Variants in SPCS2 observed in about 807,000 individuals in gnomAD.
The protein encoded by SPCS2 is SPase 25 kDa subunit.
In SPCS2, 3 loss-of-function variants were observed where a neutral mutation model predicts 22.3. The ratio of observed to expected loss-of-function variants is 0.13; its 90% CI spans 0.06 to 0.35. The LOEUF (loss-of-function observed/expected upper bound fraction) is 0.35, where lower values mean the gene tolerates loss of function less well. Among genes scored for constraint, SPCS2 ranks in the 10% least tolerant of loss-of-function variants. SPCS2 has a pLI of 1.00. For synonymous variants in SPCS2, 67 were observed against 97.2 expected, an observed-to-expected ratio of 0.69 and a Z score of 1.83; for missense variants, 169 against 280.9, an observed-to-expected ratio of 0.60 and a Z score of 2.85.
chr11:74,960,453 A>G (rs1477033250), intron 1 of SPCS2, among the ~76,000 whole-genome samples: 2 of 151,608 alleles, frequency 1.3e-5, no homozygotes, highest in African/African-American at 2.4e-5. Flanking sequence ...GGGGAGGTTC[A>G]ACATTTTTGA....
At chr11:74,962,542 T>C (rs1478791419) in intron 1 of SPCS2, among the ~76,000 whole-genome samples, 2 of 131,002 alleles carry the variant, frequency 1.5e-5, no homozygotes, top group African/African-American at 5.4e-5. Flanking sequence ...GAAGACAAAA[T>C]TGAGGCAAAA....
intron 4 of SPCS2, among the ~76,000 whole-genome samples, chr11:74,976,447 G>A (rs1462567455): frequency 6.6e-6 from 1 of 152,206 alleles, no homozygotes; most frequent in Non-Finnish European, 1.5e-5. Flanking sequence ...ACCCAGATTG[G>A]TAGGCTTTCC....
chr11:74,957,038 G>A (rs1948483141), intron 1 of SPCS2, among the ~76,000 whole-genome samples: 1 of 151,952 alleles, frequency 6.6e-6, no homozygotes, highest in East Asian at 1.9e-4. Context: ...CTTTTTTAGA[G>A]CCTGGAATTA....
At position 74,949,308 on chromosome 11, in the gene SPCS2, G is replaced by A. The variant is rs1213212910; in HGVS notation, c.23G>A (p.Gly8Asp). 4 of 1,550,308 alleles carry A rather than the reference G, an allele frequency of 2.6e-6. No homozygotes were observed. Among genetic ancestry groups the A allele is most frequent in the Admixed American group, 4.0e-5 (2 of 50,458 alleles). Residue 8 changes from glycine to aspartate, a missense_variant, in exon 1 of 5, where the codon GGC becomes GAC. Gly to Asp is a moderately conservative substitution (Grantham distance 94, BLOSUM62 -1). Around this residue, in one of 2 missense-constraint regions of SPCS2, gnomAD observed 51 missense variants for 37.8 expected, o/e 1.35. Transcript: ENST00000263672. The stretch of plus-strand genomic sequence containing the variant: ...AAGATGGCGGCGGCAGCTGTACAGG[G>A]CGGGAGAAGCGGTGGTAGCGGAGGC... MAAAAVQ[G>D]GRSGGSGGCS... is the part of the protein sequence containing the mutation.
At chr11:74,970,636 T>C (rs1266739790) in intron 4 of SPCS2, among the ~76,000 whole-genome samples, 1 of 152,194 alleles carries the variant, frequency 6.6e-6, no homozygotes, top group Admixed American at 6.5e-5. Flanking sequence ...CATTGCCAAC[T>C]TGTAGAAGCG....
Position 74,977,036 on chromosome 11 carries a change from T to TAAAGTAGCCAATTCTA in SPCS2, c.*3_*18dup, listed in dbSNP as rs1565488975. The TAAAGTAGCCAATTCTA allele has an allele frequency of 6.8e-7, 1 of 1,472,568 alleles. No homozygotes were observed. The highest frequency in any genetic ancestry group is 9.1e-7 in the Non-Finnish European group (1 of 1,102,578). 91.2% of individuals were successfully genotyped at this position (1,472,568 alleles called of 1,614,324 possible). On this transcript the variant is annotated stop_gained and frameshift_variant, in exon 5 of 5. Transcript: ENST00000263672. LOFTEE classifies it high-confidence loss of function. ...GACAGTCTTGCCATAGAAAGAAAAA[T>TAAAGTAGCCAATTCTA]AAAGTAGCCAATTCTAAAAGTAGCC...
chr11:74,971,388 A>G (rs757277050), intron 4 of SPCS2, among the ~76,000 whole-genome samples: 5 of 152,224 alleles, frequency 3.3e-5, no homozygotes, highest in Non-Finnish European at 5.9e-5. Flanking sequence ...CTTGTATGGT[A>G]TGCTAACTCT....
At chr11:74,954,042 T>C (rs1948462174) in intron 1 of SPCS2, among the ~76,000 whole-genome samples, 2 of 152,236 alleles carry the variant, frequency 1.3e-5, no homozygotes, top group African/African-American at 4.8e-5. Context: ...TAGGCCTGAA[T>C]ATCTGCATTT....
chr11:74,963,350 C>T (rs1373940234), intron 1 of SPCS2, among the ~76,000 whole-genome samples: 1 of 151,928 alleles, frequency 6.6e-6, no homozygotes, highest in Non-Finnish European at 1.5e-5. Flanking sequence ...ACTTGATTGA[C>T]TTTTAATCAC....
At chr11:74,973,732 G>T (rs992563659) in intron 4 of SPCS2, among the ~76,000 whole-genome samples, 1 of 151,942 alleles carries the variant, frequency 6.6e-6, no homozygotes, top group African/African-American at 2.4e-5. Flanking sequence ...CCTCAAACCT[G>T]CTAGGCCTCC....
At chr11:74,964,425 A>G (rs1432397747) in intron 1 of SPCS2, among the ~76,000 whole-genome samples, 3 of 152,192 alleles carry the variant, frequency 2.0e-5, no homozygotes, top group Non-Finnish European at 4.4e-5. Context: ...TTGGTTTGTA[A>G]TTTAAAATGT....
intron 1 of SPCS2, 30 bp downstream of exon 1, chr11:74,949,429 A>G (rs1379451584): frequency 6.5e-7 from 1 of 1,541,494 alleles, no homozygotes; most frequent in Non-Finnish European, 8.8e-7. Context: ...GAACAGTTGA[A>G]TCCTGGGGAG....
chr11:74,961,455 T>G (rs1948513721), intron 1 of SPCS2, among the ~76,000 whole-genome samples: 1 of 152,156 alleles, frequency 6.6e-6, no homozygotes, highest in African/African-American at 2.4e-5. Context: ...CCTTATTGGG[T>G]AAGGAAAAAA....
intron 1 of SPCS2, among the ~76,000 whole-genome samples, chr11:74,957,168 C>G (rs1303244156): frequency 6.6e-6 from 1 of 151,892 alleles, no homozygotes; most frequent in Non-Finnish European, 1.5e-5. Flanking sequence ...TAGCAAGCAG[C>G]CATTCAATAT....
rs533430585 is a variant in SPCS2, at chr11:74,958,179, C to T, written c.115-6855C>T. 4.6e-5 allele frequency among the ~76,000 whole-genome samples: 7 copies of T among 152,276 alleles called. No individual in the cohort carries two copies. In the South Asian group the frequency reaches 1.5e-3, roughly 32 times the overall value. Reference sequence around the variant, plus strand: ...TGGAGTAGAGAAGGCAGTGTAAAACCTAAGAATCAGTTTCTCTGGGGTTGT... The same window carrying T: ...TGGAGTAGAGAAGGCAGTGTAAAACTTAAGAATCAGTTTCTCTGGGGTTGT... On this transcript the variant is annotated intron_variant, in intron 1 of 4. Coordinates refer to ENST00000263672, the MANE Select transcript of SPCS2 (RefSeq NM_014752.3).
intron 1 of SPCS2, among the ~76,000 whole-genome samples, chr11:74,955,851 A>AATATACATATATATATATATATAT (rs1555115679): frequency 1.8e-5 from 1 of 55,594 alleles, no homozygotes; most frequent in African/African-American, 4.6e-5. Context: ...TACTAATTAA[A>AATATACATATATATATATATATAT]ATATATATAT....
chr11:74,973,316 A>G (rs1948597625), intron 4 of SPCS2, among the ~76,000 whole-genome samples: 2 of 151,992 alleles, frequency 1.3e-5, no homozygotes, highest in South Asian at 2.1e-4. Flanking sequence ...TTCCTGGCTC[A>G]TTGGCACTCT....
rs1310023651 is a variant in SPCS2, at chr11:74,978,743, G to A, written c.*1700G>A. On this transcript the variant is annotated 3_prime_UTR_variant, in exon 5 of 5. Transcript: ENST00000263672. ...TAAAATATATTTTTAATCCATGGTT[G>A]GTTAAATCTGTAGATATAGAGGGCC... 1 of 151,970 alleles carries A rather than the reference G, an allele frequency of 6.6e-6. No individual in the cohort carries two copies. Among genetic ancestry groups the A allele is most frequent in the East Asian group, 1.9e-4 (1 of 5,200 alleles). 9.4% of individuals were successfully genotyped at this position (151,970 alleles called of 1,614,324 possible).
At chr11:74,962,975 T>C (rs1440676363) in intron 1 of SPCS2, among the ~76,000 whole-genome samples, 1 of 152,240 alleles carries the variant, frequency 6.6e-6, no homozygotes, top group Non-Finnish European at 1.5e-5. Context: ...TGTGATGCAA[T>C]GCAGGCAGTG....
Sources: gnomAD v4.1 joint callset for allele counts (sites outside exome capture counted in the v4.1 genomes callset) on GRCh38, gnomAD v4.1.1 for gene constraint, gnomAD v4.1.1 regional missense constraint, MANE v1.5 for transcripts, NCBI Gene and HGNC (gene_info 2026-07-23, HGNC 2026-07-21) for gene names.